DPH7: variants seen among roughly 807,000 people sequenced by gnomAD.
DPH7 encodes the protein diphthamide biosynthesis 7.
In DPH7, 44 loss-of-function variants were observed where a neutral mutation model predicts 41.7. The ratio of observed to expected loss-of-function variants is 1.05; its 90% CI spans 0.83 to 1.36. The LOEUF (loss-of-function observed/expected upper bound fraction) is 1.36, where lower values mean the gene tolerates loss of function less well. Ranked by LOEUF, DPH7 falls within the 40% of genes most tolerant of loss-of-function variation. DPH7 has a pLI of 0.00. For synonymous variants in DPH7, 275 were observed against 238.0 expected, an observed-to-expected ratio of 1.16 and a Z score of -1.43; for missense variants, 629 against 577.5, an observed-to-expected ratio of 1.09 and a Z score of -0.91.
At chr9:137,561,530 G>A (rs1210986236) in intron 8 of DPH7, among the ~76,000 whole-genome samples, 1 of 114,732 alleles carries the variant, frequency 8.7e-6, no homozygotes, top group Non-Finnish European at 1.6e-5. Flanking sequence ...GTGACAGAGC[G>A]AGACTCCATC....
chr9:137,560,440 G>A (rs1838313576), intron 8 of DPH7, among the ~76,000 whole-genome samples: 1 of 152,188 alleles, frequency 6.6e-6, no homozygotes, highest in Admixed American at 6.5e-5. Flanking sequence ...GGAAGAGATG[G>A]CCAGGCGTGG....
chr9:137,556,540 G>A lies in DPH7; in HGVS notation c.950-892C>T, dbSNP rs1016390830. 7.0e-6 allele frequency: 2 copies of A among 287,540 alleles called. No individual in the cohort carries two copies. The highest frequency in any genetic ancestry group is 6.9e-6 in the Non-Finnish European group (1 of 144,610). The allele number at this position is 287,540 out of a possible 1,614,324, so 17.8% of individuals were successfully genotyped here. A position where few individuals can be genotyped will look rare whatever the true frequency, so the allele number is the denominator to read the frequency against. Reference sequence around the variant, plus strand: ...ACCGCACTGGATTACAAAACGTGCCGAGGTTGTATGGGCCTGGGCCGGGGA... The same window carrying A: ...ACCGCACTGGATTACAAAACGTGCCAAGGTTGTATGGGCCTGGGCCGGGGA... On this transcript the variant is annotated intron_variant, in intron 8 of 8. Coordinates refer to ENST00000277540, the MANE Select transcript of DPH7 (RefSeq NM_138778.5). This position sits in a 1 kb window ranked among gnomAD's most constrained non-coding sequence, Gnocchi z 5.2.
chr9:137,564,532 C>T lies in DPH7; in HGVS notation c.851G>A (p.Gly284Glu), dbSNP rs1055590000. 18 of 1,614,156 alleles carry T rather than the reference C, an allele frequency of 1.1e-5. 1 individual carries two copies. The highest frequency in any genetic ancestry group is 2.7e-5 in the African/African-American group (2 of 75,058). The change falls in exon 8 of 9, where the codon GGG becomes GAG. Residue 284 changes from glycine (G) to glutamate (E), a missense_variant. Gly to Glu is a moderately conservative substitution (Grantham distance 98). Coordinates refer to ENST00000277540, the MANE Select transcript of DPH7 (RefSeq NM_138778.5). The part of the protein sequence containing the change: ...QPLADTPVQG[G>E]VWRIKWHPFH... ...AGGGTGCCACTTGATTCTCCATACC[C>T]CACCCTGCACAGGCGTATCTGCCAA... is the stretch of plus-strand genomic sequence containing the variant.
chr9:137,558,159 A>G (rs1837850450), intron 8 of DPH7, among the ~76,000 whole-genome samples: 1 of 152,230 alleles, frequency 6.6e-6, no homozygotes, highest in African/African-American at 2.4e-5. Context: ...AAAGAAAAAA[A>G]GGCCTATACA....
rs942353246 is a variant in DPH7 at position 137,578,874 on chromosome 9, C to G, written c.-97G>C. On this transcript the variant is annotated 5_prime_UTR_variant, in exon 1 of 9. Transcript: ENST00000277540. Reference sequence around the variant, plus strand: ...GGCGGCGAGGCCGGGGCCGGCCGGACGAGCGCAGAGCCCCAGGGACACCGT... The same window carrying G: ...GGCGGCGAGGCCGGGGCCGGCCGGAGGAGCGCAGAGCCCCAGGGACACCGT... 7.9e-7 allele frequency: 1 copy of G among 1,260,264 alleles called. No homozygotes were observed. The highest frequency in any genetic ancestry group is 1.0e-6 in the Non-Finnish European group (1 of 982,814). The allele number at this position is 1,260,264 out of a possible 1,614,324, so 78.1% of individuals were successfully genotyped here. A position where few individuals can be genotyped will look rare whatever the true frequency, so the allele number is the denominator to read the frequency against.
In DPH7 at chr9:137,555,516, C is replaced by G. The variant is rs1458032471; in HGVS notation, c.1082G>C (p.Gly361Ala). 1 of 1,614,008 alleles carries G rather than the reference C, an allele frequency of 6.2e-7. No individual in the cohort carries two copies. Among genetic ancestry groups the G allele is most frequent in the African/African-American group, 1.3e-5 (1 of 74,936 alleles). Residue 361 changes from glycine to alanine, a missense_variant, in exon 9 of 9, where the codon GGA (glycine) becomes GCA (alanine). Transcript: ENST00000277540. ...ACCCTTCAGGTCTGCCGTCTTGGTT[C>G]CTAGGTTGCTAGGAAAGGACCACGA... ...APSWSFPSNL[G>A]TKTADLKGAS...
chr9:137,578,875 G>T lies in DPH7; in HGVS notation c.-98C>A, dbSNP rs1428117698. On this transcript the variant is annotated 5_prime_UTR_variant, in exon 1 of 9. Transcript: ENST00000277540. ...GCGGCGAGGCCGGGGCCGGCCGGAC[G>T]AGCGCAGAGCCCCAGGGACACCGTC... The T allele has an allele frequency of 1.1e-5, 14 of 1,248,224 alleles. No homozygotes were observed. In the African/African-American group the frequency reaches 1.7e-4, roughly 15 times the overall value. 77.3% of individuals were successfully genotyped at this position (1,248,224 alleles called of 1,614,324 possible).
chr9:137,569,700 AATCCATCCATCCACCCATGATCCATCC>A (rs1840066455), intron 5 of DPH7, among the ~76,000 whole-genome samples: 1 of 102,102 alleles, frequency 9.8e-6, no homozygotes, highest in Non-Finnish European at 2.1e-5. Flanking sequence ...ACCATCCAAA[AATCCATCCATCCACCCATGATCCATCC>A]ATCCATCCAT....
At chr9:137,578,042 G>A (rs1841736164) in intron 1 of DPH7, 9 of 980,946 alleles carry the variant, frequency 9.2e-6, no homozygotes, top group Non-Finnish European at 1.1e-5. Context: ...AGTTGGCCGG[G>A]GGCGGTGGCT....
chr9:137,571,193 AT>A (rs1176628638), intron 5 of DPH7, among the ~76,000 whole-genome samples: 153 of 147,806 alleles, frequency 1.0e-3, no homozygotes, highest in African/African-American at 3.1e-3. Flanking sequence ...ATATAAATAA[AT>A]TTTTTTTTTT....
chr9:137,567,672 C>T (rs371413573), intron 5 of DPH7, among the ~76,000 whole-genome samples: 1 of 16,444 alleles, frequency 6.1e-5, no homozygotes, highest in Non-Finnish European at 9.8e-5. Context: ...TGACTCTGTC[C>T]GTGAGGAAGC....
intron 3 of DPH7, 64 bp from the exon 4 acceptor site, chr9:137,574,907 TC>T: frequency 6.2e-7 from 1 of 1,602,300 alleles, no homozygotes; most frequent in Non-Finnish European, 8.5e-7. Context: ...AAAAGACTTT[TC>T]CTCTCCTGCA....
intron 3 of DPH7, 148 bp from the exon 4 acceptor site, chr9:137,574,991 A>G: frequency 1.4e-6 from 2 of 1,442,742 alleles, no homozygotes; most frequent in Non-Finnish European, 1.8e-6. Flanking sequence ...ACCTCCACCT[A>G]ACACTGAAAC....
chr9:137,572,712 G>A (rs993335756), intron 5 of DPH7, among the ~76,000 whole-genome samples: 5 of 152,138 alleles, frequency 3.3e-5, no homozygotes, highest in Non-Finnish European at 7.3e-5. Context: ...CCTCCTTCCT[G>A]GAAACACCAG....
intron 1 of DPH7, chr9:137,578,392 T>C (rs1464045395): frequency 1.5e-5 from 6 of 412,802 alleles, no homozygotes; most frequent in South Asian, 7.7e-5. Context: ...GGTCTCGATC[T>C]CCTGACCTCG....
Position 137,578,865 on chromosome 9 carries a change from CCGGCCGGA to C in DPH7, c.-96_-89del. 6 of 1,291,100 alleles carry C rather than the reference CCGGCCGGA, an allele frequency of 4.6e-6. No homozygotes were observed. Among genetic ancestry groups the C allele is most frequent in the Non-Finnish European group, 4.0e-6 (4 of 1,008,378 alleles). The allele number at this position is 1,291,100 out of a possible 1,614,324, so 80.0% of individuals were successfully genotyped here. A position where few individuals can be genotyped will look rare whatever the true frequency, so the allele number is the denominator to read the frequency against. On this transcript the variant is annotated 5_prime_UTR_variant, in exon 1 of 9. Coordinates refer to ENST00000277540, the MANE Select transcript of DPH7 (RefSeq NM_138778.5). Reference sequence around the variant, plus strand: ...ACTGCGCGGGGCGGCGAGGCCGGGGCCGGCCGGACGAGCGCAGAGCCCCAGGGACACCG... The same window carrying C: ...ACTGCGCGGGGCGGCGAGGCCGGGGCCGAGCGCAGAGCCCCAGGGACACCG...
At chr9:137,562,111 A>G (rs906619797) in intron 8 of DPH7, among the ~76,000 whole-genome samples, 5 of 152,104 alleles carry the variant, frequency 3.3e-5, no homozygotes, top group Non-Finnish European at 5.9e-5. Flanking sequence ...TGATCTGCCC[A>G]CCTCAGCCTC....
chr9:137,564,539 G>T lies in DPH7; in HGVS notation c.844C>A (p.Gln282Lys), dbSNP rs1564428205. The change falls in exon 8 of 9, where the codon CAG becomes AAG. Residue 282 changes from glutamine (Q) to lysine (K), a missense_variant. By Grantham distance (53) the Gln-to-Lys change is moderately conservative. Coordinates refer to ENST00000277540, the MANE Select transcript of DPH7 (RefSeq NM_138778.5). ...CACTTGATTCTCCATACCCCACCCT[G>T]CACAGGCGTATCTGCCAACGGCTGC... ...MKQPLADTPVQGGVWRIKWHP... is the reference protein window; with the variant it reads ...MKQPLADTPVKGGVWRIKWHP... 6.2e-7 allele frequency: 1 copy of T among 1,614,006 alleles called. No homozygotes were observed. Among genetic ancestry groups the T allele is most frequent in the Non-Finnish European group, 8.5e-7 (1 of 1,179,988 alleles).
chr9:137,557,344 A>G (rs1435186591), intron 8 of DPH7, among the ~76,000 whole-genome samples: 1 of 152,158 alleles, frequency 6.6e-6, no homozygotes, highest in Non-Finnish European at 1.5e-5. Flanking sequence ...CGTGTCTATT[A>G]AAAATACAAA....
Sources: gnomAD v4.1 joint callset for allele counts (sites outside exome capture counted in the v4.1 genomes callset) on GRCh38, gnomAD v4.1.1 for gene constraint, Gnocchi (gnomAD v3.1) non-coding constraint, MANE v1.5 for transcripts, NCBI Gene and HGNC (gene_info 2026-07-23, HGNC 2026-07-21) for gene names.